The following PSD3 variants were observed in gnomAD, a reference collection of about 807,000 sequenced individuals.
PSD3 encodes the protein PH and SEC7 domain-containing protein 3.
A neutral mutation model predicts 105.5 loss-of-function variants in PSD3; 49 were observed. The observed-to-expected ratio is 0.46, with a 90% CI of 0.37 to 0.59. PSD3 has a LOEUF of 0.59. PSD3 is among the 20% of genes least tolerant of loss of function. PSD3 has a pLI of 0.00. For synonymous variants in PSD3, 557 were observed against 457.8 expected (o/e 1.22, Z -2.77); for missense variants, 1,561 against 1,263.8 (o/e 1.24, Z -3.57).
At chr8:18,561,153 C>T (rs996974889) in intron 14 of PSD3, among the ~76,000 whole-genome samples, 5 of 152,082 alleles carry the variant, frequency 3.3e-5, no homozygotes, top group Admixed American at 6.5e-5. Flanking sequence ...GAGACCATGC[C>T]GTATCTTCTT....
At chr8:19,080,973 TC>T (rs990911039) in intron 1 of PSD3, among the ~76,000 whole-genome samples, 17 of 152,224 alleles carry the variant, frequency 1.1e-4, no homozygotes, top group African/African-American at 3.6e-4. Flanking sequence ...AGAAAGCTTT[TC>T]CCCCCTGTCT....
At chr8:18,625,990 C>A (rs964718273) in intron 11 of PSD3, among the ~76,000 whole-genome samples, 28 of 151,996 alleles carry the variant, frequency 1.8e-4, no homozygotes, top group Non-Finnish European at 4.0e-4. Flanking sequence ...AGAGCTTATA[C>A]TGAATTTTGT....
At chr8:18,566,114 C>A (rs1490124408) in intron 14 of PSD3, among the ~76,000 whole-genome samples, 3 of 152,120 alleles carry the variant, frequency 2.0e-5, no homozygotes, top group Non-Finnish European at 4.4e-5. Flanking sequence ...TCCCCAAGAG[C>A]CTCAGGTGCT....
intron 9 of PSD3, among the ~76,000 whole-genome samples, chr8:18,677,745 C>T (rs1169102507): frequency 2.0e-5 from 3 of 152,142 alleles, no homozygotes; most frequent in African/African-American, 4.8e-5. Context: ...GGCACGGTGG[C>T]TTACGCCTGT....
chr8:18,715,407 A>G (rs527460756), intron 9 of PSD3, among the ~76,000 whole-genome samples: 1 of 152,352 alleles, frequency 6.6e-6, no homozygotes, highest in South Asian at 2.1e-4. Flanking sequence ...GTATCCATGT[A>G]TGTAATTCAA....
In PSD3 at chr8:18,871,794, G is replaced by A; in HGVS notation, c.1070C>T (p.Thr357Ile). 1 of 1,614,184 alleles carries A rather than the reference G, an allele frequency of 6.2e-7. No homozygotes were observed. Among genetic ancestry groups the A allele is most frequent in the Non-Finnish European group, 8.5e-7 (1 of 1,180,036 alleles). Residue 357 changes from threonine to isoleucine, a missense_variant, in exon 3 of 16, where the codon ACT becomes ATT. Transcript: ENST00000327040. ...CCAGGATTCATCCCAAACATTCTCA[G>A]TTAAACTACTTGAATTACACAAACC... ...SAGLCNSSSL[T>I]ENVWDESWKA...
chr8:18,536,715 T>C (rs1799864531), intron 15 of PSD3, among the ~76,000 whole-genome samples: 1 of 152,222 alleles, frequency 6.6e-6, no homozygotes, highest in Non-Finnish European at 1.5e-5. Flanking sequence ...GTCTCTTGGA[T>C]ATCTAAGATT....
At chr8:18,804,365 A>C (rs780342072) in intron 6 of PSD3, 157 bp downstream of exon 6, 13 of 630,754 alleles carry the variant, frequency 2.1e-5, no homozygotes, top group Middle Eastern at 3.9e-4. Context: ...CAAAATCCAC[A>C]ACACTTATGG....
intron 10 of PSD3, among the ~76,000 whole-genome samples, chr8:18,645,031 T>C (rs957578580): frequency 1.3e-5 from 2 of 152,158 alleles, no homozygotes; most frequent in African/African-American, 2.4e-5. Context: ...AGAGAGCGAG[T>C]TGGGGATCAC....
At chr8:18,631,901 C>T (rs976288171) in intron 11 of PSD3, among the ~76,000 whole-genome samples, 2 of 152,026 alleles carry the variant, frequency 1.3e-5, no homozygotes, top group Admixed American at 6.6e-5. Flanking sequence ...TCTGAGCAAA[C>T]ATGTCACCTT....
chr8:18,971,920 G>T (rs947439783), intron 1 of PSD3, among the ~76,000 whole-genome samples: 20 of 152,008 alleles, frequency 1.3e-4, no homozygotes, highest in African/African-American at 4.6e-4. Flanking sequence ...TAGGAGAATC[G>T]CTTGAGCCTG....
intron 8 of PSD3, among the ~76,000 whole-genome samples, chr8:18,769,494 T>C (rs1244590071): frequency 6.6e-6 from 1 of 152,220 alleles, no homozygotes; most frequent in Non-Finnish European, 1.5e-5. Flanking sequence ...TTTATTAAAA[T>C]ACAATTCACA....
chr8:18,941,474 C>T (rs1212570263), intron 1 of PSD3, among the ~76,000 whole-genome samples: 1 of 152,110 alleles, frequency 6.6e-6, no homozygotes, highest in Non-Finnish European at 1.5e-5. Flanking sequence ...ATGGCATGAT[C>T]CCCAAAACAC....
intron 15 of PSD3, among the ~76,000 whole-genome samples, chr8:18,541,209 A>G (rs1800133428): frequency 6.6e-6 from 1 of 151,248 alleles, no homozygotes; most frequent in Non-Finnish European, 1.5e-5. Flanking sequence ...AATACTAGAT[A>G]CCATCACATG....
intron 15 of PSD3, among the ~76,000 whole-genome samples, chr8:18,537,742 T>C (rs1156749298): frequency 6.6e-6 from 1 of 152,022 alleles, no homozygotes; most frequent in Non-Finnish European, 1.5e-5. Flanking sequence ...AGTGGCATGA[T>C]CTCAGCTCAC....
intron 9 of PSD3, among the ~76,000 whole-genome samples, chr8:18,720,483 T>C (rs541091985): frequency 1.3e-5 from 2 of 152,178 alleles, no homozygotes; most frequent in Admixed American, 6.5e-5. Context: ...CCTCTATCCA[T>C]ATCCTCAGAC....
chr8:18,909,924 T>A (rs1820092158), intron 2 of PSD3, among the ~76,000 whole-genome samples: 1 of 152,252 alleles, frequency 6.6e-6, no homozygotes, highest in Non-Finnish European at 1.5e-5. Context: ...GGCAGGGGCT[T>A]TAACTTTGGT....
At chr8:18,866,202 G>A (rs188247647) in intron 4 of PSD3, among the ~76,000 whole-genome samples, 4 of 152,188 alleles carry the variant, frequency 2.6e-5, no homozygotes, top group Admixed American at 6.5e-5. Flanking sequence ...CCTCAGAGAC[G>A]AAGGTGAAAG....
chr8:18,600,489 G>A lies in PSD3; in HGVS notation c.2411-55C>T, dbSNP rs866046335. Reference sequence around the variant, plus strand: ...ATTTGACATCAGCATTTTAGAAAGAGAATCTAAATGATCAACATGGTGACA... The same window carrying A: ...ATTTGACATCAGCATTTTAGAAAGAAAATCTAAATGATCAACATGGTGACA... On this transcript the variant is annotated intron_variant, in intron 11 of 15. Transcript: ENST00000327040. 2.2e-5 allele frequency: 29 copies of A among 1,325,140 alleles called. No individual in the cohort carries two copies. In the Middle Eastern group the frequency reaches 2.2e-3, roughly 100 times the overall value. The allele number at this position is 1,325,140 out of a possible 1,614,324, so 82.1% of individuals were successfully genotyped here.
Sources: gnomAD v4.1 joint callset for allele counts (sites outside exome capture counted in the v4.1 genomes callset) on GRCh38, gnomAD v4.1.1 for gene constraint, MANE v1.5 for transcripts, NCBI Gene and HGNC (gene_info 2026-07-23, HGNC 2026-07-21) for gene names.